Variants in SSBP2 observed in about 807,000 individuals in gnomAD.
The protein encoded by SSBP2 is single stranded DNA binding protein 2.
In SSBP2, 17 loss-of-function variants were observed where a neutral mutation model predicts 61.8. The ratio of observed to expected loss-of-function variants is 0.28; its 90% CI spans 0.19 to 0.41. SSBP2 has a LOEUF of 0.41. Ranked by LOEUF, SSBP2 falls within the 10% of genes least tolerant of loss-of-function variation. The pLI is 1.00. For synonymous variants in SSBP2, 139 were observed against 141.3 expected (o/e 0.98, Z 0.12); for missense variants, 310 against 458.7 (o/e 0.68, Z 2.96).
chr5:81,651,294 C>A (rs1483869295), intron 1 of SSBP2, among the ~76,000 whole-genome samples: 1 of 152,108 alleles, frequency 6.6e-6, no homozygotes, highest in Non-Finnish European at 1.5e-5. Context: ...TGTACCACTT[C>A]TCTTGCCAAG....
At chr5:81,563,067 CA>C (rs1484752864) in intron 4 of SSBP2, among the ~76,000 whole-genome samples, 2 of 152,084 alleles carry the variant, frequency 1.3e-5, no homozygotes, top group African/African-American at 4.8e-5. Flanking sequence ...GTAGAATAGC[CA>C]AACTAATTTT....
intron 4 of SSBP2, among the ~76,000 whole-genome samples, chr5:81,577,928 A>G (rs955382031): frequency 2.6e-5 from 4 of 152,072 alleles, no homozygotes; most frequent in African/African-American, 7.2e-5. Context: ...TACTAAACAC[A>G]TTACATGAAT....
chr5:81,623,988 G>A (rs920957877), intron 3 of SSBP2, among the ~76,000 whole-genome samples: 2 of 152,130 alleles, frequency 1.3e-5, no homozygotes, highest in African/African-American at 2.4e-5. Flanking sequence ...TTAAAAACAT[G>A]TCTCATGGCA....
At chr5:81,522,440 C>T (rs1367655934) in intron 4 of SSBP2, among the ~76,000 whole-genome samples, 1 of 151,934 alleles carries the variant, frequency 6.6e-6, no homozygotes, top group East Asian at 1.9e-4. Flanking sequence ...TTATTTCTAA[C>T]ATAAATGAAA....
intron 1 of SSBP2, among the ~76,000 whole-genome samples, chr5:81,707,491 G>C (rs1754477795): frequency 6.6e-6 from 1 of 152,092 alleles, no homozygotes; most frequent in South Asian, 2.1e-4. Flanking sequence ...CATCTATAAG[G>C]CAAGGAGAGA....
At chr5:81,542,851 C>A (rs2154119283) in intron 4 of SSBP2, among the ~76,000 whole-genome samples, 1 of 150,398 alleles carries the variant, frequency 6.6e-6, no homozygotes, top group South Asian at 2.1e-4. Context: ...CTCTCTCTCT[C>A]TCCTTTCTTT....
chr5:81,517,826 A>G, intron 4 of SSBP2, among the ~76,000 whole-genome samples: 1 of 152,200 alleles, frequency 6.6e-6, no homozygotes, highest in East Asian at 1.9e-4. Context: ...GTCCTGTTAA[A>G]TAAAAACTTG....
At chr5:81,424,228 A>C (rs1018448000) in intron 16 of SSBP2, among the ~76,000 whole-genome samples, 1 of 152,068 alleles carries the variant, frequency 6.6e-6, no homozygotes, top group African/African-American at 2.4e-5. Context: ...GTTCGAGACC[A>C]GCCTGACCAA....
chr5:81,673,658 G>C (rs746978507), intron 1 of SSBP2, among the ~76,000 whole-genome samples: 62 of 152,156 alleles, frequency 4.1e-4, no homozygotes, highest in Admixed American at 2.7e-3. Context: ...CAAGTCAAGA[G>C]AAATGGCTGA....
chr5:81,420,968 C>G (rs1761571040), intron 16 of SSBP2, among the ~76,000 whole-genome samples: 2 of 152,112 alleles, frequency 1.3e-5, no homozygotes, highest in Non-Finnish European at 2.9e-5. Flanking sequence ...TTCAGTTTCC[C>G]TATCTGTAAA....
chr5:81,481,512 T>C (rs1480136672), intron 6 of SSBP2, among the ~76,000 whole-genome samples: 2 of 151,234 alleles, frequency 1.3e-5, no homozygotes, highest in Non-Finnish European at 2.9e-5. Flanking sequence ...TCCCAGCTAC[T>C]CAGGAGGCTG....
intron 4 of SSBP2, among the ~76,000 whole-genome samples, chr5:81,537,719 C>G (rs761467830): frequency 2.6e-5 from 4 of 152,002 alleles, no homozygotes; most frequent in Non-Finnish European, 5.9e-5. Context: ...TGTAGGACAC[C>G]GTGAACCACA....
At chr5:81,558,284 A>C (rs922552414) in intron 4 of SSBP2, among the ~76,000 whole-genome samples, 1 of 152,166 alleles carries the variant, frequency 6.6e-6, no homozygotes, top group African/African-American at 2.4e-5. Context: ...AATTAACAAA[A>C]ACTGGGTGGC....
At chr5:81,611,687 G>C (rs1745461337) in intron 4 of SSBP2, among the ~76,000 whole-genome samples, 1 of 151,954 alleles carries the variant, frequency 6.6e-6, no homozygotes, top group Non-Finnish European at 1.5e-5. Flanking sequence ...CCAGAAACTG[G>C]ATTATAATTT....
intron 4 of SSBP2, among the ~76,000 whole-genome samples, chr5:81,525,206 G>A (rs1293626057): frequency 6.6e-6 from 1 of 151,876 alleles, no homozygotes; most frequent in Non-Finnish European, 1.5e-5. Context: ...TTAGGTTCAG[G>A]GGTACATGTC....
Position 81,545,479 on chromosome 5 carries a change from A to C in SSBP2, c.283-31762T>G, listed in dbSNP as rs189519143. 2.0e-5 allele frequency among the ~76,000 whole-genome samples: 3 copies of C among 152,366 alleles called. No homozygotes were observed. The East Asian group carries it at 5.8e-4, about 29-fold the overall frequency. On this transcript the variant is annotated intron_variant, in intron 4 of 16. Transcript: ENST00000320672. Reference sequence around the variant, plus strand: ...ACTAACAATAGCAATAAAAATAATTAGTTGTGTGAATAAAGTCTGAAACTA... The same window carrying C: ...ACTAACAATAGCAATAAAAATAATTCGTTGTGTGAATAAAGTCTGAAACTA...
intron 1 of SSBP2, among the ~76,000 whole-genome samples, chr5:81,716,124 A>T (rs1210255277): frequency 6.6e-6 from 1 of 152,052 alleles, no homozygotes; most frequent in Non-Finnish European, 1.5e-5. Context: ...CTTATCTTCC[A>T]CTGTGGGAAG....
intron 4 of SSBP2, among the ~76,000 whole-genome samples, chr5:81,563,784 T>A (rs11954508): frequency 4.6e-5 from 7 of 152,008 alleles, no homozygotes; most frequent in Admixed American, 2.6e-4. Flanking sequence ...CCTGAAACCA[T>A]AAAACTACTA....
chr5:81,544,316 G>A (rs1771561648), intron 4 of SSBP2, among the ~76,000 whole-genome samples: 1 of 152,128 alleles, frequency 6.6e-6, no homozygotes, highest in African/African-American at 2.4e-5. Flanking sequence ...CAAGGTGCTT[G>A]GATTACAGAC....
Sources: gnomAD v4.1 joint callset for allele counts (sites outside exome capture counted in the v4.1 genomes callset) on GRCh38, gnomAD v4.1.1 for gene constraint, MANE v1.5 for transcripts, NCBI Gene and HGNC (gene_info 2026-07-23, HGNC 2026-07-21) for gene names.